EXT1: variants seen among roughly 807,000 people sequenced by gnomAD.
The protein encoded by EXT1 is exostosin-1.
In EXT1, 20 loss-of-function variants were observed where a neutral mutation model predicts 82.5. That is an observed-to-expected ratio of 0.24 (90% CI 0.17 to 0.35). The LOEUF (loss-of-function observed/expected upper bound fraction) is 0.35, where lower values mean the gene tolerates loss of function less well. EXT1 is among the 10% of genes least tolerant of loss of function. EXT1 has a pLI of 1.00. For missense variants in EXT1, 757 were observed against 936.5 expected, an observed-to-expected ratio of 0.81 and a Z score of 2.50; for synonymous variants, 348 against 350.8, an observed-to-expected ratio of 0.99 and a Z score of 0.09.
chr8:117,856,998 T>G (rs1408392086), intron 1 of EXT1, among the ~76,000 whole-genome samples: 1 of 152,148 alleles, frequency 6.6e-6, no homozygotes, highest in East Asian at 1.9e-4. Flanking sequence ...ATATTTAGCT[T>G]TAAAGCTAAA....
At chr8:117,854,370 C>T (rs966720671) in intron 1 of EXT1, among the ~76,000 whole-genome samples, 2 of 152,132 alleles carry the variant, frequency 1.3e-5, no homozygotes, top group Middle Eastern at 6.8e-3. Flanking sequence ...CAAACCATTG[C>T]CACCTCTAAC....
intron 8 of EXT1, among the ~76,000 whole-genome samples, chr8:117,807,768 T>C (rs983484660): frequency 2.0e-5 from 3 of 151,914 alleles, no homozygotes; most frequent in Non-Finnish European, 2.9e-5. Flanking sequence ...CCCATGTATA[T>C]CCAAAGAATG....
chr8:118,109,048 C>T (rs1046773048), intron 1 of EXT1, among the ~76,000 whole-genome samples: 2 of 152,132 alleles, frequency 1.3e-5, no homozygotes, highest in Admixed American at 6.5e-5. Flanking sequence ...TGGGCGGCAA[C>T]CCCACCTACT....
intron 1 of EXT1, among the ~76,000 whole-genome samples, chr8:118,073,208 T>C (rs891738994): frequency 2.0e-5 from 3 of 152,262 alleles, no homozygotes; most frequent in African/African-American, 4.8e-5. Context: ...AACTATGTTA[T>C]ACATTAGTGA....
intron 1 of EXT1, among the ~76,000 whole-genome samples, chr8:118,087,534 A>T (rs1257430478): frequency 6.6e-6 from 1 of 152,208 alleles, no homozygotes; most frequent in East Asian, 1.9e-4. Flanking sequence ...GTCAATAACC[A>T]ACCATAAAGT....
chr8:118,013,344 G>T (rs1254092792), intron 1 of EXT1, among the ~76,000 whole-genome samples: 2 of 152,144 alleles, frequency 1.3e-5, no homozygotes, highest in African/African-American at 4.8e-5. Flanking sequence ...AAGTAGCTGA[G>T]ATTACAGGAG....
chr8:117,957,412 G>A (rs1408607539), intron 1 of EXT1, among the ~76,000 whole-genome samples: 1 of 152,180 alleles, frequency 6.6e-6, no homozygotes, highest in Admixed American at 6.5e-5. Context: ...CTCCCTGAAT[G>A]GCAGTGAGTT....
chr8:117,844,324 TA>T (rs1812319849), intron 1 of EXT1, among the ~76,000 whole-genome samples: 1 of 151,824 alleles, frequency 6.6e-6, no homozygotes, highest in African/African-American at 2.4e-5. Context: ...AGCTAATTTT[TA>T]AACTTTTTGT....
chr8:117,831,733 G>A (rs1812102072), intron 3 of EXT1: 1 of 465,488 alleles, frequency 2.1e-6, no homozygotes. Flanking sequence ...CTGTAACAGA[G>A]TTTCCATTGG....
At chr8:117,819,539 T>C in intron 6 of EXT1, 137 bp downstream of exon 6, 1 of 786,638 alleles carries the variant, frequency 1.3e-6, no homozygotes, top group Non-Finnish European at 2.3e-6. Context: ...GCAGGATGAA[T>C]GAAAGGGAGT....
chr8:117,874,634 A>G (rs959539806), intron 1 of EXT1, among the ~76,000 whole-genome samples: 2 of 151,294 alleles, frequency 1.3e-5, no homozygotes, highest in African/African-American at 4.9e-5. Flanking sequence ...AATTTGATAG[A>G]TGAGCTATCA....
At chr8:117,980,359 C>A (rs1815163996) in intron 1 of EXT1, among the ~76,000 whole-genome samples, 2 of 152,178 alleles carry the variant, frequency 1.3e-5, no homozygotes, top group South Asian at 2.1e-4. Context: ...TTGCTCTAAT[C>A]CATACCCATC....
At chr8:118,059,633 C>A (rs1156734282) in intron 1 of EXT1, among the ~76,000 whole-genome samples, 2 of 152,244 alleles carry the variant, frequency 1.3e-5, no homozygotes, top group Non-Finnish European at 1.5e-5. Context: ...GCTATGGTCC[C>A]TCATCAGCAT....
At chr8:117,823,974 A>C (rs1388703357) in intron 4 of EXT1, among the ~76,000 whole-genome samples, 1 of 152,216 alleles carries the variant, frequency 6.6e-6, no homozygotes. Context: ...AAATTGTCAT[A>C]GTTGTGAAGG....
At chr8:118,054,696 C>T (rs1816767821) in intron 1 of EXT1, among the ~76,000 whole-genome samples, 1 of 152,150 alleles carries the variant, frequency 6.6e-6, no homozygotes, top group African/African-American at 2.4e-5. Context: ...TTGAAACCCA[C>T]ATCAGACTAA....
chr8:117,958,172 G>A (rs1814626346), intron 1 of EXT1, among the ~76,000 whole-genome samples: 5 of 151,934 alleles, frequency 3.3e-5, no homozygotes, highest in Admixed American at 3.3e-4. Flanking sequence ...TATTTAAATG[G>A]AGACTAACAT....
At chr8:117,803,600 G>A (rs113645898) in intron 10 of EXT1, among the ~76,000 whole-genome samples, 29 of 152,266 alleles carry the variant, frequency 1.9e-4, no homozygotes, top group South Asian at 6.2e-4. Flanking sequence ...ATGGTGGGGT[G>A]TACAAGGACA....
At chr8:118,097,126 C>T (rs1000903555) in intron 1 of EXT1, among the ~76,000 whole-genome samples, 10 of 152,090 alleles carry the variant, frequency 6.6e-5, no homozygotes, top group Non-Finnish European at 1.2e-4. Flanking sequence ...TGCATCCAAA[C>T]GACCTGGTGA....
chr8:118,017,063 A>G (rs1286842193), intron 1 of EXT1, among the ~76,000 whole-genome samples: 1 of 152,236 alleles, frequency 6.6e-6, no homozygotes, highest in African/African-American at 2.4e-5. Flanking sequence ...AACATTTAGC[A>G]TCTTGTTCTC....
Sources: gnomAD v4.1 joint callset for allele counts (sites outside exome capture counted in the v4.1 genomes callset) on GRCh38, gnomAD v4.1.1 for gene constraint, MANE v1.5 for transcripts, NCBI Gene and HGNC (gene_info 2026-07-23, HGNC 2026-07-21) for gene names.